TMX3: variants seen among roughly 807,000 people sequenced by gnomAD.
TMX3 encodes the protein protein disulfide-isomerase TMX3.
A neutral mutation model predicts 64.4 loss-of-function variants in TMX3; 40 were observed. The observed-to-expected ratio is 0.62, with a 90% CI of 0.48 to 0.81. TMX3 has a LOEUF of 0.81. Ranked by LOEUF, TMX3 falls within the 30% of genes least tolerant of loss-of-function variation. The pLI is 0.00. For missense variants in TMX3, 497 were observed against 534.5 expected (o/e 0.93, Z 0.69); for synonymous variants, 189 against 175.7 (o/e 1.08, Z -0.60).
chr18:68,681,560 A>T, intron 13 of TMX3: 1 of 984,994 alleles, frequency 1.0e-6, no homozygotes, highest in Non-Finnish European at 1.2e-6. Context: ...AATGAGAGGG[A>T]TAATAAATGA....
intron 10 of TMX3, chr18:68,687,274 T>C: frequency 2.0e-6 from 2 of 985,440 alleles, no homozygotes; most frequent in Non-Finnish European, 2.4e-6. Context: ...GAAGAAACCA[T>C]GCCAATTTAA....
chr18:68,681,432 T>C, intron 13 of TMX3: 1 of 976,466 alleles, frequency 1.0e-6, no homozygotes, highest in Non-Finnish European at 1.2e-6. Flanking sequence ...AAACTTATGT[T>C]GTTCAACGGT....
At chr18:68,704,366 T>C (rs112172943) in intron 4 of TMX3, among the ~76,000 whole-genome samples, 7 of 151,918 alleles carry the variant, frequency 4.6e-5, no homozygotes, top group African/African-American at 1.7e-4. Context: ...GAAACTAAAA[T>C]AGGAAGATTC....
intron 13 of TMX3, among the ~76,000 whole-genome samples, chr18:68,682,678 G>C (rs1205981942): frequency 6.6e-6 from 1 of 150,570 alleles, no homozygotes; most frequent in African/African-American, 2.4e-5. Flanking sequence ...TGGCTTTTCA[G>C]AATACTAGAA....
At chr18:68,689,453 T>C (rs535797490) in intron 9 of TMX3, among the ~76,000 whole-genome samples, 3 of 151,906 alleles carry the variant, frequency 2.0e-5, no homozygotes, top group Non-Finnish European at 4.4e-5. Flanking sequence ...AAACACATAG[T>C]GGAATAAGAA....
At chr18:68,712,335 T>C (rs1248156866) in intron 2 of TMX3, among the ~76,000 whole-genome samples, 1 of 152,160 alleles carries the variant, frequency 6.6e-6, no homozygotes, top group Non-Finnish European at 1.5e-5. Flanking sequence ...ATTGTTAGCC[T>C]TGACCGGGGT....
At chr18:68,701,291 T>C (rs2145099315) in intron 5 of TMX3, among the ~76,000 whole-genome samples, 1 of 152,216 alleles carries the variant, frequency 6.6e-6, no homozygotes, top group East Asian at 1.9e-4. Flanking sequence ...CAAAATAAGA[T>C]TAATGAAAAT....
At chr18:68,709,980 GC>G in intron 4 of TMX3, 40 bp downstream of exon 4, 1 of 1,518,364 alleles carries the variant, frequency 6.6e-7, no homozygotes, top group Non-Finnish European at 8.8e-7. Flanking sequence ...AAATGTTTTT[GC>G]TGTGAGAACA....
intron 12 of TMX3, among the ~76,000 whole-genome samples, chr18:68,683,843 A>G (rs1913681983): frequency 6.6e-6 from 1 of 152,300 alleles, no homozygotes; most frequent in South Asian, 2.1e-4. Context: ...TTCCAAAAAT[A>G]AACATATACA....
In TMX3 at chr18:68,684,261, T is replaced by A. The variant is rs759837591; in HGVS notation, c.795-18A>T. On this transcript the variant is annotated intron_variant, in intron 11 of 15. Coordinates refer to ENST00000299608, the MANE Select transcript of TMX3 (RefSeq NM_019022.5). ...ACTTCAATCTGTAGAAGAACAAACA[T>A]ATGAATAGTTCATCTCTGCACTTGA... 3 of 1,600,192 alleles carry A rather than the reference T, an allele frequency of 1.9e-6. No homozygotes were observed. The highest frequency in any genetic ancestry group is 2.6e-6 in the Non-Finnish European group (3 of 1,169,226).
At chr18:68,693,066 T>C (rs1287000693) in intron 8 of TMX3, among the ~76,000 whole-genome samples, 2 of 152,226 alleles carry the variant, frequency 1.3e-5, no homozygotes, top group African/African-American at 2.4e-5. Context: ...GACAAAAATG[T>C]ATAAGAAGTT....
In TMX3 at chr18:68,714,957, C is replaced by G. The variant is rs865988166; in HGVS notation, c.25G>C (p.Ala9Pro). Residue 9 changes from alanine (A) to proline (P), a missense_variant, in exon 1 of 16, where the codon GCC becomes CCC. Around this residue, in one of 3 missense-constraint regions of TMX3, gnomAD observed 360 missense variants for 383.5 expected, o/e 0.94. Coordinates refer to ENST00000299608, the MANE Select transcript of TMX3 (RefSeq NM_019022.5). The part of the protein sequence containing the change: MAAWKSWT[A>P]LRLCATVVVL... ...TTACCTGTGGCGCAGAGCCGCAGGG[C>G]CGTCCAACTCTTCCACGCTGCCATG... 6.4e-7 allele frequency: 1 copy of G among 1,572,612 alleles called. No homozygotes were observed.
Position 68,676,818 on chromosome 18 carries a change from G to C in TMX3, c.*115C>G. ...ACTTTAATCCATGCAGTTGATATTA[G>C]CAAAATACGAATAACATGTTCTTTT... is the stretch of plus-strand genomic sequence containing the variant. On this transcript the variant is annotated 3_prime_UTR_variant, in exon 16 of 16. Transcript: ENST00000299608. The C allele has an allele frequency of 7.4e-7, 1 of 1,344,834 alleles. No homozygotes were observed. Among genetic ancestry groups the C allele is most frequent in the Non-Finnish European group, 1.0e-6 (1 of 1,003,760 alleles). The allele number at this position is 1,344,834 out of a possible 1,614,324, so 83.3% of individuals were successfully genotyped here. A position where few individuals can be genotyped will look rare whatever the true frequency, so the allele number is the denominator to read the frequency against.
At chr18:68,680,018 G>A (rs956151624) in intron 14 of TMX3, among the ~76,000 whole-genome samples, 6 of 152,038 alleles carry the variant, frequency 3.9e-5, no homozygotes, top group Non-Finnish European at 5.9e-5. Context: ...AGCTCTATGA[G>A]ACAATAAAAT....
chr18:68,707,590 A>C (rs551249310), intron 4 of TMX3, among the ~76,000 whole-genome samples: 1 of 152,294 alleles, frequency 6.6e-6, no homozygotes, highest in African/African-American at 2.4e-5. Context: ...TTACTGGTTT[A>C]TATGCACTAT....
rs75838875 is a variant in TMX3, at chr18:68,710,010, T to C, written c.265+11A>G. On this transcript the variant is annotated intron_variant, in intron 4 of 15. Coordinates refer to ENST00000299608, the MANE Select transcript of TMX3 (RefSeq NM_019022.5). ...GAGAACAGTAAAATAATAAACTAAG[T>C]GAAGGCTTACTAGAATAGGAAGTAG... 2,479 of 1,575,482 alleles carry C rather than the reference T, an allele frequency of 1.6e-3. 39 individuals carry two copies. The African/African-American group carries it at 0.03, about 19-fold the overall frequency.
At chr18:68,705,314 G>A (rs2030555439) in intron 4 of TMX3, among the ~76,000 whole-genome samples, 1 of 152,028 alleles carries the variant, frequency 6.6e-6, no homozygotes, top group African/African-American at 2.4e-5. Context: ...GACTTCCTCT[G>A]CACCAAAAAC....
intron 8 of TMX3, among the ~76,000 whole-genome samples, chr18:68,694,398 G>A (rs1056992224): frequency 1.3e-5 from 2 of 152,188 alleles, no homozygotes; most frequent in Non-Finnish European, 2.9e-5. Context: ...TGGTCCAGCC[G>A]CAGCCTCACA....
At chr18:68,681,793 T>C (rs964283864) in intron 13 of TMX3, among the ~76,000 whole-genome samples, 2 of 152,212 alleles carry the variant, frequency 1.3e-5, no homozygotes, top group African/African-American at 4.8e-5. Flanking sequence ...GAGCTTCCAC[T>C]GGGCCCTCAA....
Sources: gnomAD v4.1 joint callset for allele counts (sites outside exome capture counted in the v4.1 genomes callset) on GRCh38, gnomAD v4.1.1 for gene constraint, gnomAD v4.1.1 regional missense constraint, MANE v1.5 for transcripts, NCBI Gene and HGNC (gene_info 2026-07-23, HGNC 2026-07-21) for gene names.